The following PRTG variants were observed in gnomAD, a reference collection of about 807,000 sequenced individuals.
The protein encoded by PRTG is protogenin, also known as immunoglobulin superfamily, DCC subclass, member 5.
A neutral mutation model predicts 122.5 loss-of-function variants in PRTG; 67 were observed. The observed-to-expected ratio is 0.55, with a 90% CI of 0.45 to 0.67. PRTG has a LOEUF of 0.67. Ranked by LOEUF, PRTG falls within the 30% of genes least tolerant of loss-of-function variation. The pLI is 0.00. For missense variants in PRTG, 1,435 were observed against 1,415.4 expected (o/e 1.01, Z -0.22); for synonymous variants, 554 against 501.1 (o/e 1.11, Z -1.41).
At chr15:55,636,648 C>T (rs1185760425) in intron 15 of PRTG, among the ~76,000 whole-genome samples, 1 of 151,750 alleles carries the variant, frequency 6.6e-6, no homozygotes, top group African/African-American at 2.4e-5. Flanking sequence ...AACCAAACCT[C>T]TTTTTTTTAC....
chr15:55,665,383 C>T (rs191641109), intron 11 of PRTG, among the ~76,000 whole-genome samples: 1 of 152,254 alleles, frequency 6.6e-6, no homozygotes, highest in Non-Finnish European at 1.5e-5. Flanking sequence ...CCAGATTATG[C>T]TGCTGGTCCT....
At chr15:55,717,531 T>C (rs1257589384) in intron 2 of PRTG, among the ~76,000 whole-genome samples, 1 of 152,246 alleles carries the variant, frequency 6.6e-6, no homozygotes, top group Non-Finnish European at 1.5e-5. Flanking sequence ...TTTGACATTG[T>C]GCTATGGTGC....
chr15:55,664,084 G>C (rs934885978), intron 11 of PRTG, among the ~76,000 whole-genome samples: 1 of 152,188 alleles, frequency 6.6e-6, no homozygotes, highest in Non-Finnish European at 1.5e-5. Context: ...ACTGTGAATA[G>C]AGCTATACAT....
intron 11 of PRTG, among the ~76,000 whole-genome samples, chr15:55,664,185 A>G (rs770751201): frequency 3.3e-5 from 5 of 151,662 alleles, no homozygotes; most frequent in Non-Finnish European, 7.4e-5. Flanking sequence ...CTCGTTGCCC[A>G]GGCTGGGGTG....
intron 1 of PRTG, chr15:55,742,516 G>A: frequency 3.8e-6 from 1 of 261,308 alleles, no homozygotes; most frequent in East Asian, 6.7e-5. Flanking sequence ...GGCCGGAGCC[G>A]GGACAATGGC....
chr15:55,722,549 A>G (rs2030864874), intron 2 of PRTG, among the ~76,000 whole-genome samples: 1 of 152,230 alleles, frequency 6.6e-6, no homozygotes, highest in Non-Finnish European at 1.5e-5. Context: ...GAAAAATCTC[A>G]TGCTGAAAAC....
At chr15:55,661,732 G>A (rs2059410869) in intron 11 of PRTG, among the ~76,000 whole-genome samples, 1 of 152,134 alleles carries the variant, frequency 6.6e-6, no homozygotes, top group Non-Finnish European at 1.5e-5. Flanking sequence ...ACAAAGAGAA[G>A]CCAGATGCAA....
At chr15:55,685,075 C>T (rs889138928) in intron 2 of PRTG, among the ~76,000 whole-genome samples, 1 of 152,158 alleles carries the variant, frequency 6.6e-6, no homozygotes, top group Non-Finnish European at 1.5e-5. Flanking sequence ...GAAAGGTCCA[C>T]TACTATAGTC....
intron 11 of PRTG, among the ~76,000 whole-genome samples, chr15:55,665,161 G>A (rs1344065265): frequency 1.3e-5 from 2 of 152,072 alleles, no homozygotes; most frequent in African/African-American, 2.4e-5. Context: ...TTGGGAGGCC[G>A]AGGGAGGAGA....
intron 2 of PRTG, among the ~76,000 whole-genome samples, chr15:55,689,466 C>T (rs1441765633): frequency 2.0e-5 from 3 of 151,284 alleles, no homozygotes; most frequent in African/African-American, 7.3e-5. Flanking sequence ...TGTTAGTGAG[C>T]GTTTGCAAAA....
chr15:55,742,708 C>T (rs1417991030), intron 1 of PRTG, 130 bp downstream of exon 1: 2 of 1,120,048 alleles, frequency 1.8e-6, no homozygotes, highest in South Asian at 1.4e-5. Flanking sequence ...GAGCGGGGGC[C>T]GGGGGTCAGC....
chr15:55,652,571 C>T (rs1392243897), intron 11 of PRTG, among the ~76,000 whole-genome samples: 2 of 152,032 alleles, frequency 1.3e-5, no homozygotes, highest in African/African-American at 2.4e-5. Flanking sequence ...AAGAGGCCAG[C>T]GGTACGGCCT....
chr15:55,727,518 G>A (rs1408653747), intron 2 of PRTG, among the ~76,000 whole-genome samples: 3 of 152,094 alleles, frequency 2.0e-5, no homozygotes, highest in Non-Finnish European at 2.9e-5. Context: ...ACAATAGGCC[G>A]GACATGGTGG....
Position 55,631,266 on chromosome 15 carries a change from C to T in PRTG, c.2624-2262G>A, listed in dbSNP as rs576063855. ...AACAAAGATGTATTGTGACATGTTA[C>T]ACTTAGCTGAAAGGAAGAACATTTC... On this transcript the variant is annotated intron_variant, in intron 15 of 19. Transcript: ENST00000389286. Among the ~76,000 whole-genome samples the T allele has an allele frequency of 3.0e-4, 45 of 152,234 alleles. 2 individuals are homozygous for T. In the South Asian group the frequency reaches 9.3e-3, roughly 32 times the overall value.
Position 55,679,370 on chromosome 15 carries a change from G to A in PRTG, c.1049C>T (p.Ala350Val). 2 of 1,612,756 alleles carry A rather than the reference G, an allele frequency of 1.2e-6. No homozygotes were observed. The highest frequency in any genetic ancestry group is 1.7e-4 in the Middle Eastern group (1 of 6,058). Residue 350 changes from alanine to valine, a missense_variant, in exon 7 of 20, where the codon GCA becomes GTA. Coordinates refer to ENST00000389286, the MANE Select transcript of PRTG (RefSeq NM_173814.6). Reference protein sequence around the residue: ...RAGTARFVCQAEGIPSPKMSW... With the variant: ...RAGTARFVCQVEGIPSPKMSW... The stretch of plus-strand genomic sequence containing the variant: ...CATCTTGGGAGAGGGGATTCCTTCT[G>A]CCTGACACACAAATCGAGCAGTGCC...
At chr15:55,654,370 C>T (rs1181436837) in intron 11 of PRTG, among the ~76,000 whole-genome samples, 1 of 152,102 alleles carries the variant, frequency 6.6e-6, no homozygotes, top group African/African-American at 2.4e-5. Flanking sequence ...CATATACCTA[C>T]CCATATAACT....
chr15:55,683,481 G>A (rs1222091953), intron 3 of PRTG, among the ~76,000 whole-genome samples: 3 of 152,184 alleles, frequency 2.0e-5, no homozygotes, highest in Admixed American at 6.5e-5. Context: ...TCCCAGCAAT[G>A]AGAGTGTAAT....
intron 2 of PRTG, among the ~76,000 whole-genome samples, chr15:55,726,988 C>G (rs1215300570): frequency 1.3e-5 from 2 of 150,530 alleles, no homozygotes; most frequent in Non-Finnish European, 3.0e-5. Context: ...TGTAACACAC[C>G]AAAACTTATG....
chr15:55,706,743 G>A (rs2030140553), intron 2 of PRTG, among the ~76,000 whole-genome samples: 1 of 152,076 alleles, frequency 6.6e-6, no homozygotes, highest in Non-Finnish European at 1.5e-5. Flanking sequence ...TCCAGCATGG[G>A]TGATAGAGTG....
Sources: allele counts gnomAD v4.1 joint callset (sites outside exome capture counted in the v4.1 genomes callset), GRCh38; gene constraint gnomAD v4.1.1; transcripts MANE v1.5; gene names NCBI Gene and HGNC (gene_info 2026-07-23, HGNC 2026-07-21).